PCF11: variants seen among roughly 807,000 people sequenced by gnomAD.
PCF11 encodes the protein PCF11 cleavage and polyadenylation factor subunit.
A neutral mutation model predicts 166.1 loss-of-function variants in PCF11; 19 were observed. The observed-to-expected ratio is 0.11, with a 90% CI of 0.08 to 0.17. The LOEUF (loss-of-function observed/expected upper bound fraction) is 0.17. Among genes scored for constraint, PCF11 ranks in the 10% least tolerant of loss-of-function variants. The probability of loss-of-function intolerance (pLI) is 1.00; values close to 1 mark genes in which losing one functional copy is unlikely to be tolerated. For synonymous variants in PCF11, 663 were observed against 644.1 expected, an observed-to-expected ratio of 1.03 and a Z score of -0.44; for missense variants, 1,565 against 1,855.5, an observed-to-expected ratio of 0.84 and a Z score of 2.88.
At chr11:83,171,899 G>A in exon 9 of PCF11, 1 of 1,561,630 alleles carries the variant, frequency 6.4e-7, no homozygotes, top group Non-Finnish European at 8.8e-7. Flanking sequence ...TCCTGGATTT[G>A]TTCAGAATCC....
In PCF11 at chr11:83,182,576, T is replaced by G. The variant is rs564598978; in HGVS notation, c.4416+85T>G. ...CATTACTTTGAAAGGAGGCGGTTCA[T>G]AATAGTTTTTGTTTGATTTTTGGTC... On this transcript the variant is annotated intron_variant, in intron 14 of 15. Coordinates refer to ENST00000298281, the Ensembl canonical transcript of PCF11. 75 of 692,560 alleles carry G rather than the reference T, an allele frequency of 1.1e-4. 1 individual carries two copies. The South Asian group carries it at 1.3e-3, about 12-fold the overall frequency. 42.9% of individuals were successfully genotyped at this position (692,560 alleles called of 1,614,324 possible). A position where few individuals can be genotyped will look rare whatever the true frequency, so the allele number is the denominator to read the frequency against.
At chr11:83,184,261 G>A (rs1203786001) in intron 15 of PCF11, 1 of 156,276 alleles carries the variant, frequency 6.4e-6, no homozygotes, top group East Asian at 1.9e-4. Flanking sequence ...AGGCAATTTG[G>A]AAGGTTTATT....
Position 83,168,882 on chromosome 11 carries a change from A to T in PCF11, c.2547A>T (p.Glu849Asp). The T allele has an allele frequency of 3.7e-6, 6 of 1,613,598 alleles. No homozygotes were observed. In the South Asian group the frequency reaches 6.6e-5, roughly 18 times the overall value. Residue 849 changes from glutamate (E) to aspartate (D), a missense_variant, in exon 8 of 16, where the codon GAA becomes GAT. This residue lies in a region of PCF11 where 725 missense variants were observed against 749.3 expected (regional missense o/e 0.97). Transcript: ENST00000298281. ...CAGGAGGAGGTGGTTTTCGGTTTGA[A>T]GGTTCCCCTGGTCTGAGGTTTGAGG...
chr11:83,160,321 GTTTTTTTT>G (rs35201107), intron 1 of PCF11, among the ~76,000 whole-genome samples: 7 of 91,270 alleles, frequency 7.7e-5, no homozygotes, highest in African/African-American at 1.3e-4. Context: ...GATAACCTAA[GTTTTTTTT>G]TTTTTTTTTT....
exon 16 of PCF11, chr11:83,186,922 C>T (rs1282211479): frequency 6.6e-6 from 1 of 152,098 alleles, no homozygotes; most frequent in Non-Finnish European, 1.5e-5. Context: ...ATATTCAAAC[C>T]TAAAAGTGTA....
chr11:83,170,663 T>C (rs1196970018), intron 8 of PCF11, among the ~76,000 whole-genome samples: 4 of 152,246 alleles, frequency 2.6e-5, no homozygotes, highest in African/African-American at 9.6e-5. Flanking sequence ...GCAGTATGTT[T>C]ACAATTTGTG....
Position 83,167,700 on chromosome 11 carries a change from G to A in PCF11, c.2092+195G>A, listed in dbSNP as rs1860519155. On this transcript the variant is annotated intron_variant, in intron 7 of 15. Coordinates refer to ENST00000298281, the Ensembl canonical transcript of PCF11. The surrounding 1 kb of genome is among the most constrained non-coding windows in gnomAD (Gnocchi z 4.2). ...TATTTTTGACTACCCTTTGACTGAT[G>A]CCTTGTTGTCTGGAATAGAATGTGA... 2.0e-6 allele frequency: 3 copies of A among 1,506,442 alleles called. No homozygotes were observed. Among genetic ancestry groups the A allele is most frequent in the Non-Finnish European group, 2.7e-6 (3 of 1,128,994 alleles). 93.3% of individuals were successfully genotyped at this position (1,506,442 alleles called of 1,614,324 possible).
chr11:83,176,267 C>G (rs1012716621), intron 9 of PCF11, among the ~76,000 whole-genome samples: 1 of 152,130 alleles, frequency 6.6e-6, no homozygotes, highest in African/African-American at 2.4e-5. Flanking sequence ...ATATTCTCAA[C>G]TCCAGTGTGG....
chr11:83,180,922 A>G, intron 11 of PCF11, 86 bp from the exon 12 acceptor site: 1 of 685,830 alleles, frequency 1.5e-6, no homozygotes, highest in East Asian at 2.8e-5. Context: ...TTGTTACAGT[A>G]TGGAAAATTG....
At chr11:83,157,755 C>A in intron 1 of PCF11, 124 bp downstream of exon 1, 1 of 855,690 alleles carries the variant, frequency 1.2e-6, no homozygotes. Context: ...CCCCCCACCC[C>A]CCTCCAACTC....
intron 11 of PCF11, among the ~76,000 whole-genome samples, chr11:83,179,151 T>G (rs1404009446): frequency 2.0e-5 from 3 of 152,162 alleles, no homozygotes; most frequent in African/African-American, 7.2e-5. Flanking sequence ...AGGCTTTTAA[T>G]AAAAGATGGC....
At position 83,169,312 on chromosome 11, in the gene PCF11, A is replaced by T. The variant is rs776896986; in HGVS notation, c.2977A>T (p.Ile993Phe). ...TCCACATGGTCAGCCAGGGGTTGGT[A>T]TCAGGTTTGAAGGCCCTTTAGTCCA... Residue 993 changes from isoleucine to phenylalanine, a missense_variant, in exon 8 of 16, where the codon ATC becomes TTC. This residue lies in a region of PCF11 where 725 missense variants were observed against 749.3 expected (regional missense o/e 0.97). Transcript: ENST00000298281. 1.3e-5 allele frequency: 21 copies of T among 1,611,746 alleles called. No individual in the cohort carries two copies. Among genetic ancestry groups the T allele is most frequent in the Non-Finnish European group, 1.7e-5 (20 of 1,178,708 alleles).
At chr11:83,184,897 A>G (rs756339567) in exon 16 of PCF11, 3 of 1,524,482 alleles carry the variant, frequency 2.0e-6, no homozygotes, top group Non-Finnish European at 2.6e-6. Flanking sequence ...CAGTTTAAAT[A>G]AAATGAGAAA....
At chr11:83,157,168 G>C (rs927798737) in exon 1 of PCF11, 72 of 574,840 alleles carry the variant, frequency 1.3e-4, no homozygotes, top group Non-Finnish European at 1.8e-4. Flanking sequence ...CATTTTCGGA[G>C]CTGGAGCCGC....
At chr11:83,165,789 C>T in exon 5 of PCF11, 2 of 1,612,288 alleles carry the variant, frequency 1.2e-6, no homozygotes, top group South Asian at 1.1e-5. Flanking sequence ...CCGGGATCCT[C>T]GTCTGAACAG....
intron 8 of PCF11, among the ~76,000 whole-genome samples, chr11:83,170,307 A>G (rs1302267559): frequency 6.6e-6 from 1 of 151,998 alleles, no homozygotes. Context: ...ATTGTGTGTC[A>G]TAGACCTCTA....
Position 83,167,144 on chromosome 11 carries a change from C to T in PCF11, c.1837C>T (p.His613Tyr). ...TTTCAGCTTACAACAGGTTGATGAA[C>T]ATAGTAAACCTCCTCATCTGAGGCA... Residue 613 changes from histidine to tyrosine, a missense_variant, in exon 6 of 16, where the codon CAT becomes TAT. Coordinates refer to ENST00000298281, the Ensembl canonical transcript of PCF11. This position sits in a 1 kb window ranked among gnomAD's most constrained non-coding sequence, Gnocchi z 4.2. 6.2e-7 allele frequency: 1 copy of T among 1,612,002 alleles called. No homozygotes were observed. Among genetic ancestry groups the T allele is most frequent in the Non-Finnish European group, 8.5e-7 (1 of 1,178,758 alleles).
At chr11:83,165,849 C>G in exon 5 of PCF11, 1 of 1,607,900 alleles carries the variant, frequency 6.2e-7, no homozygotes, top group East Asian at 2.2e-5. Context: ...GAAAGAATTT[C>G]TAATGAACAC....
rs768329077 is a variant in PCF11 at position 83,161,461 on chromosome 11, G to A, written c.318+9G>A. On this transcript the variant is annotated intron_variant, in intron 2 of 15. Transcript: ENST00000298281. ...TTTGTGTGTTTGAAAAGGTACATAT[G>A]CATTTAGAAACATTTGCGTTTTTTT... 6 of 1,546,086 alleles carry A rather than the reference G, an allele frequency of 3.9e-6. No individual in the cohort carries two copies. In the East Asian group the frequency reaches 1.4e-4, roughly 36 times the overall value.
Sources: allele counts gnomAD v4.1 joint callset (sites outside exome capture counted in the v4.1 genomes callset), GRCh38; gene constraint gnomAD v4.1.1; regional missense constraint gnomAD v4.1.1; non-coding constraint Gnocchi (gnomAD v3.1); transcripts MANE v1.5; gene names NCBI Gene and HGNC (gene_info 2026-07-23, HGNC 2026-07-21).